CACNA2D1: variants seen among roughly 807,000 people sequenced by gnomAD.
CACNA2D1 encodes the protein voltage-dependent calcium channel subunit alpha-2/delta-1.
A neutral mutation model predicts 171.5 loss-of-function variants in CACNA2D1; 53 were observed. That is an observed-to-expected ratio of 0.31 (90% confidence interval 0.25 to 0.39). CACNA2D1 has a LOEUF of 0.39. Ranked by LOEUF, CACNA2D1 falls within the 10% of genes least tolerant of loss-of-function variation. The pLI, the probability that CACNA2D1 is intolerant of heterozygous loss-of-function variation, is 1.00. For synonymous variants in CACNA2D1, 442 were observed against 443.1 expected, an observed-to-expected ratio of 1.00 and a Z score of 0.03; for missense variants, 903 against 1,299.8, an observed-to-expected ratio of 0.69 and a Z score of 4.69.
intron 6 of CACNA2D1, among the ~76,000 whole-genome samples, chr7:82,106,157 C>T (rs982104662): frequency 8.5e-5 from 13 of 152,088 alleles, no homozygotes; most frequent in African/African-American, 2.9e-4. Context: ...AAATCTTTGT[C>T]GTTTTAATAA....
chr7:82,084,396 T>G (rs1810195851), intron 7 of CACNA2D1, among the ~76,000 whole-genome samples: 2 of 152,154 alleles, frequency 1.3e-5, no homozygotes, highest in Admixed American at 1.3e-4. Context: ...TTCAATCAAT[T>G]TATAAAAATT....
intron 3 of CACNA2D1, among the ~76,000 whole-genome samples, chr7:82,330,920 G>T (rs1292230109): frequency 6.6e-6 from 1 of 151,960 alleles, no homozygotes; most frequent in African/African-American, 2.4e-5. Flanking sequence ...CATTCTTGCT[G>T]CTCAAAGTAT....
intron 3 of CACNA2D1, among the ~76,000 whole-genome samples, chr7:82,315,712 G>A (rs1815034584): frequency 6.6e-6 from 1 of 152,136 alleles, no homozygotes; most frequent in African/African-American, 2.4e-5. Context: ...CTGATAACAT[G>A]AAGAAGGGGA....
chr7:82,029,159 C>T (rs1562891812), intron 12 of CACNA2D1: 1 of 151,732 alleles, frequency 6.6e-6, no homozygotes, highest in Admixed American at 6.6e-5. Context: ...CAGTCAGCAG[C>T]CATCAACATT....
intron 4 of CACNA2D1, among the ~76,000 whole-genome samples, chr7:82,155,657 A>G (rs1374231359): frequency 6.6e-6 from 1 of 152,208 alleles, no homozygotes; most frequent in African/African-American, 2.4e-5. Context: ...TGGTTCATCA[A>G]AGCTAGATTT....
chr7:82,036,515 A>T (rs1260597703), intron 11 of CACNA2D1, among the ~76,000 whole-genome samples: 1 of 152,102 alleles, frequency 6.6e-6, no homozygotes, highest in Non-Finnish European at 1.5e-5. Flanking sequence ...CGGAAATGCC[A>T]CACTTTTCCT....
At chr7:82,283,205 C>T (rs1810340924) in intron 3 of CACNA2D1, among the ~76,000 whole-genome samples, 1 of 152,008 alleles carries the variant, frequency 6.6e-6, no homozygotes. Flanking sequence ...AATAGTGTAC[C>T]TATCTTTTCC....
In CACNA2D1 at chr7:82,344,974, T is replaced by C. The variant is rs1337133743; in HGVS notation, c.177+4594A>G. Reference sequence around the variant, plus strand: ...AATTCTAATATCTGATATTCTAATATGGCTTCTTTCAGCACTCCCGGAAAT... The same window carrying C: ...AATTCTAATATCTGATATTCTAATACGGCTTCTTTCAGCACTCCCGGAAAT... On this transcript the variant is annotated intron_variant, in intron 2 of 38. Transcript: ENST00000356860. 2.0e-5 allele frequency among the ~76,000 whole-genome samples: 3 copies of C among 152,186 alleles called. No homozygotes were observed. In the East Asian group the frequency reaches 5.8e-4, roughly 29 times the overall value.
intron 1 of CACNA2D1, among the ~76,000 whole-genome samples, chr7:82,407,314 T>C (rs1827164937): frequency 6.6e-6 from 1 of 152,220 alleles, no homozygotes; most frequent in South Asian, 2.1e-4. Flanking sequence ...GGGTTAGAGC[T>C]TCTCATATCA....
intron 5 of CACNA2D1, 69 bp from the exon 6 acceptor site, chr7:82,117,242 T>G (rs1445156453): frequency 3.4e-6 from 5 of 1,451,896 alleles, no homozygotes; most frequent in Admixed American, 1.7e-5. Context: ...ATGCACTTCT[T>G]TACTTGCCAA....
At chr7:82,366,406 A>G (rs528451262) in intron 1 of CACNA2D1, among the ~76,000 whole-genome samples, 6 of 152,152 alleles carry the variant, frequency 3.9e-5, no homozygotes, top group African/African-American at 9.6e-5. Context: ...ATCTTTGTCT[A>G]TTATTTCAAT....
chr7:82,172,882 C>T (rs962509001), intron 3 of CACNA2D1, among the ~76,000 whole-genome samples: 6 of 149,996 alleles, frequency 4.0e-5, no homozygotes, highest in Non-Finnish European at 8.9e-5. Context: ...GAATAAAATA[C>T]TAAACCTTTT....
intron 3 of CACNA2D1, among the ~76,000 whole-genome samples, chr7:82,319,412 A>G (rs1040002980): frequency 6.6e-6 from 1 of 152,216 alleles, no homozygotes; most frequent in Non-Finnish European, 1.5e-5. Flanking sequence ...AGAGGTAGAA[A>G]TTGATATGTG....
intron 38 of CACNA2D1, 78 bp downstream of exon 38, chr7:81,959,197 G>A (rs1280123896): frequency 9.9e-7 from 1 of 1,011,202 alleles, no homozygotes; most frequent in Non-Finnish European, 1.6e-6. Context: ...AGTTAAAATT[G>A]CAATTTGTAT....
chr7:82,131,071 G>A (rs1790923000), intron 5 of CACNA2D1, among the ~76,000 whole-genome samples: 1 of 151,994 alleles, frequency 6.6e-6, no homozygotes, highest in Non-Finnish European at 1.5e-5. Flanking sequence ...CAAAGTGCTG[G>A]GATTACAGGC....
intron 37 of CACNA2D1, 99 bp from the exon 38 acceptor site, chr7:81,959,456 C>T: frequency 1.2e-6 from 1 of 853,786 alleles, no homozygotes; most frequent in South Asian, 1.4e-5. Context: ...AGAGAGATAA[C>T]TTATACATCA....
rs187849336 is a variant in CACNA2D1, at chr7:81,964,106, T to C, written c.2730A>G (p.Pro910=). 1.9e-6 allele frequency: 3 copies of C among 1,612,188 alleles called. No homozygotes were observed. In the South Asian group the frequency reaches 3.3e-5, roughly 18 times the overall value. Residue 910 remains proline (P), a splice_region_variant and synonymous_variant, in exon 34 of 39, where the codon CCA becomes CCG. Transcript: ENST00000356860. ...QGAGHRSAYV[P]SVADILQIGW... ...CAATTTGTAATATGTCTGCTACTGA[T>C]GGCTATAAAATAAAATAATAAGGTC...
At chr7:82,216,036 T>G (rs1437595213) in intron 3 of CACNA2D1, among the ~76,000 whole-genome samples, 1 of 152,218 alleles carries the variant, frequency 6.6e-6, no homozygotes, top group East Asian at 1.9e-4. Flanking sequence ...TGCCTCTAAC[T>G]GAGATCTTTC....
intron 4 of CACNA2D1, among the ~76,000 whole-genome samples, chr7:82,138,429 TTG>T (rs1362745337): frequency 1.3e-4 from 10 of 77,436 alleles, no homozygotes; most frequent in African/African-American, 5.3e-4. Flanking sequence ...AGCATTAGTT[TTG>T]TTTTTTTTGT....
Sources: allele counts gnomAD v4.1 joint callset (sites outside exome capture counted in the v4.1 genomes callset), GRCh38; gene constraint gnomAD v4.1.1; transcripts MANE v1.5; gene names NCBI Gene and HGNC (gene_info 2026-07-23, HGNC 2026-07-21).